The following DDAH1 variants were observed in gnomAD, a reference collection of about 807,000 sequenced individuals.
DDAH1 encodes N(G),N(G)-dimethylarginine dimethylaminohydrolase 1.
In DDAH1, 19 loss-of-function variants were observed where a neutral mutation model predicts 28.8. The ratio of observed to expected loss-of-function variants is 0.66; its 90% CI spans 0.46 to 0.97. The LOEUF is 0.97. Among genes scored for constraint, DDAH1 ranks in the 50% least tolerant of loss-of-function variants. The pLI is 0.00. For missense variants in DDAH1, 326 were observed against 375.9 expected (o/e 0.87, Z 1.10); for synonymous variants, 153 against 154.4 (o/e 0.99, Z 0.07).
chr1:85,509,089 T>TAGGCAGGTGCCC (rs1416585935), intron 1 of DDAH1, among the ~76,000 whole-genome samples: 18 of 152,184 alleles, frequency 1.2e-4, no homozygotes, highest in Non-Finnish European at 1.9e-4. Flanking sequence ...ATACCTCATA[T>TAGGCAGGTGCCC]AGGCAGGTGC....
chr1:85,465,303 G>A, upstream of DDAH1: 1 of 788,618 alleles, frequency 1.3e-6, no homozygotes, highest in Non-Finnish European at 1.5e-6. Context: ...GAGTTGTAGC[G>A]GCGAGCGCCG....
At chr1:85,403,421 T>G (rs1652250581) in intron 1 of DDAH1, among the ~76,000 whole-genome samples, 1 of 152,108 alleles carries the variant, frequency 6.6e-6, no homozygotes, top group Middle Eastern at 3.2e-3. Context: ...TCTGTAAGGG[T>G]TGCCTAAACA....
intron 1 of DDAH1, among the ~76,000 whole-genome samples, chr1:85,531,805 T>C (rs1658100961): frequency 6.9e-6 from 1 of 144,594 alleles, no homozygotes; most frequent in Non-Finnish European, 1.5e-5. Context: ...ACAATGTAGG[T>C]ACTATTAGTA....
intron 1 of DDAH1, among the ~76,000 whole-genome samples, chr1:85,453,405 C>A (rs1246932683): frequency 1.3e-5 from 2 of 152,172 alleles, no homozygotes. Flanking sequence ...AATTCCAAGC[C>A]CTTTTCCTAC....
At chr1:85,400,177 CTTTTTTT>C (rs61677601) in intron 1 of DDAH1, among the ~76,000 whole-genome samples, 12,005 of 54,260 alleles carry the variant, frequency 0.22, 850 homozygotes, top group Middle Eastern at 0.3. Flanking sequence ...CTTTTCTTTT[CTTTTTTT>C]TTTTTTTTTT....
intron 4 of DDAH1, among the ~76,000 whole-genome samples, chr1:85,350,180 T>A (rs575286631): frequency 3.2e-4 from 49 of 150,810 alleles, no homozygotes; most frequent in African/African-American, 1.1e-3. Context: ...GCCTTTTTTT[T>A]AGGAAATCTG....
At chr1:85,423,950 G>GT (rs902462262) in intron 1 of DDAH1, among the ~76,000 whole-genome samples, 3 of 152,002 alleles carry the variant, frequency 2.0e-5, no homozygotes, top group South Asian at 2.1e-4. Flanking sequence ...TCTGTCAAAT[G>GT]TTTTTTTCTC....
intron 4 of DDAH1, among the ~76,000 whole-genome samples, chr1:85,344,121 A>G (rs531139720): frequency 2.6e-4 from 40 of 152,376 alleles, no homozygotes; most frequent in African/African-American, 8.2e-4. Flanking sequence ...CACATACTGT[A>G]TTTAAGCTCC....
chr1:85,337,725 G>A lies in DDAH1; in HGVS notation c.597+12690C>T, dbSNP rs533218089. On this transcript the variant is annotated intron_variant, in intron 4 of 5. Coordinates refer to ENST00000284031, the MANE Select transcript of DDAH1 (RefSeq NM_012137.4). The stretch of plus-strand genomic sequence containing the variant: ...CCTTGGCCTCCCAAAGTCCTGGCAT[G>A]AGCCACCACACCCGGCCAATAAAAT... 1.1e-3 allele frequency among the ~76,000 whole-genome samples: 161 copies of A among 152,078 alleles called. 1 individual carries two copies. The highest frequency in any genetic ancestry group is 1.9e-3 in the Non-Finnish European group (128 of 68,008).
intron 1 of DDAH1, among the ~76,000 whole-genome samples, chr1:85,504,223 C>G (rs1182884796): frequency 6.6e-6 from 1 of 152,136 alleles, no homozygotes; most frequent in Non-Finnish European, 1.5e-5. Context: ...AGATCATGCC[C>G]TCTGTTGATA....
At chr1:85,372,371 T>TA (rs1407868744) in intron 1 of DDAH1, among the ~76,000 whole-genome samples, 1 of 152,134 alleles carries the variant, frequency 6.6e-6, no homozygotes, top group Non-Finnish European at 1.5e-5. Context: ...AACATTGTGT[T>TA]AAAAAATAGT....
At chr1:85,364,743 C>A (rs1283981783) in intron 1 of DDAH1, among the ~76,000 whole-genome samples, 2 of 152,066 alleles carry the variant, frequency 1.3e-5, no homozygotes, top group Non-Finnish European at 2.9e-5. Flanking sequence ...GGGGTTTCAC[C>A]CTGTTGGCCA....
At chr1:85,484,588 T>C (rs1204195084) in intron 2 of DDAH1, among the ~76,000 whole-genome samples, 1 of 152,190 alleles carries the variant, frequency 6.6e-6, no homozygotes, top group East Asian at 1.9e-4. Flanking sequence ...AGCATGTGGA[T>C]ACAAGATCTA....
At chr1:85,376,073 T>C (rs989353530) in intron 1 of DDAH1, among the ~76,000 whole-genome samples, 3 of 152,190 alleles carry the variant, frequency 2.0e-5, no homozygotes, top group Non-Finnish European at 2.9e-5. Context: ...TGGCTTCCCT[T>C]ACCTTCATTT....
chr1:85,546,284 T>C (rs749419187), intron 1 of DDAH1, among the ~76,000 whole-genome samples: 3 of 152,150 alleles, frequency 2.0e-5, no homozygotes, highest in Non-Finnish European at 2.9e-5. Flanking sequence ...GGGTTCCTTA[T>C]AAAAGGACAA....
At position 85,447,147 on chromosome 1, in the gene DDAH1, A is replaced by G. The variant is rs182983549; in HGVS notation, c.303+17596T>C. On this transcript the variant is annotated intron_variant, in intron 1 of 5. Coordinates refer to ENST00000284031, the MANE Select transcript of DDAH1 (RefSeq NM_012137.4). The stretch of plus-strand genomic sequence containing the variant: ...GACACCAATCACTGCCTGCCTATTT[A>G]TATGCAAAAATATGCCTGCTGCTCT... 7.0e-4 allele frequency among the ~76,000 whole-genome samples: 107 copies of G among 152,276 alleles called. No individual in the cohort carries two copies. The South Asian group carries it at 8.1e-3, about 11-fold the overall frequency.
intron 2 of DDAH1, among the ~76,000 whole-genome samples, chr1:85,481,562 A>G (rs1656016859): frequency 6.6e-6 from 1 of 152,230 alleles, no homozygotes; most frequent in South Asian, 2.1e-4. Flanking sequence ...TGATTTCTCA[A>G]AAATCTTTTT....
chr1:85,388,339 T>C (rs1346591161), intron 1 of DDAH1, among the ~76,000 whole-genome samples: 1 of 152,198 alleles, frequency 6.6e-6, no homozygotes, highest in East Asian at 1.9e-4. Flanking sequence ...ACTACTATTG[T>C]TAAGAAAAAA....
intron 1 of DDAH1, among the ~76,000 whole-genome samples, chr1:85,556,545 T>C (rs1287423380): frequency 6.6e-6 from 1 of 152,174 alleles, no homozygotes; most frequent in Non-Finnish European, 1.5e-5. Context: ...ATTATCTAGA[T>C]GCAGAATTTG....
Sources: gnomAD v4.1 joint callset for allele counts (sites outside exome capture counted in the v4.1 genomes callset) on GRCh38, gnomAD v4.1.1 for gene constraint, MANE v1.5 for transcripts, NCBI Gene and HGNC (gene_info 2026-07-23, HGNC 2026-07-21) for gene names.